CSMD1: variants seen among roughly 807,000 people sequenced by gnomAD.
CSMD1 encodes the protein CUB and sushi domain-containing protein 1.
In CSMD1, 213 loss-of-function variants were observed where a neutral mutation model predicts 417.5. The observed-to-expected ratio is 0.51, with a 90% CI of 0.46 to 0.57. The LOEUF is 0.57. Among genes scored for constraint, CSMD1 ranks in the 20% least tolerant of loss-of-function variants. The probability of loss-of-function intolerance (pLI) is 0.00; values close to 1 mark genes in which losing one functional copy is unlikely to be tolerated. For missense variants in CSMD1, 6,923 were observed against 4,529.7 expected (o/e 1.53, Z -15.17); for synonymous variants, 2,862 against 1,736.8 (o/e 1.65, Z -16.11).
At chr8:4,453,101 G>A (rs1172553905) in intron 2 of CSMD1, among the ~76,000 whole-genome samples, 2 of 152,056 alleles carry the variant, frequency 1.3e-5, no homozygotes, top group African/African-American at 2.4e-5. Context: ...TAGACAGGGA[G>A]CCAATGATTC....
At chr8:4,392,022 A>T (rs1033619581) in intron 3 of CSMD1, among the ~76,000 whole-genome samples, 5 of 150,386 alleles carry the variant, frequency 3.3e-5, no homozygotes, top group Non-Finnish European at 7.4e-5. Context: ...GTGAGTGGGT[A>T]AGTGAGTCCC....
intron 3 of CSMD1, among the ~76,000 whole-genome samples, chr8:4,283,990 T>G (rs1489652164): frequency 6.6e-6 from 1 of 152,130 alleles, no homozygotes; most frequent in Non-Finnish European, 1.5e-5. Flanking sequence ...CGTAGCACTT[T>G]GGGAGGCCGA....
At chr8:4,583,516 C>T (rs992956321) in intron 2 of CSMD1, among the ~76,000 whole-genome samples, 1 of 151,904 alleles carries the variant, frequency 6.6e-6, no homozygotes, top group Non-Finnish European at 1.5e-5. Flanking sequence ...ATACACCAAT[C>T]GACACTCTGT....
At position 3,295,693 on chromosome 8, in the gene CSMD1, T is replaced by G. The variant is rs182603463; in HGVS notation, c.3951-11347A>C. On this transcript the variant is annotated intron_variant, in intron 25 of 69. Coordinates refer to ENST00000635120, the MANE Select transcript of CSMD1 (RefSeq NM_033225.6). Reference sequence around the variant, plus strand: ...AACTGCTTTGGTCCAGGGTAATGTATGTATTGCCCTTGTTTTATTATATCT... The same window carrying G: ...AACTGCTTTGGTCCAGGGTAATGTAGGTATTGCCCTTGTTTTATTATATCT... Among the ~76,000 whole-genome samples, 186 of 152,314 alleles carry G rather than the reference T, an allele frequency of 1.2e-3. 1 individual carries two copies. Among genetic ancestry groups the G allele is most frequent in the African/African-American group, 4.3e-3 (179 of 41,576 alleles).
intron 62 of CSMD1, among the ~76,000 whole-genome samples, chr8:2,958,491 G>A (rs574255157): frequency 6.6e-6 from 1 of 152,316 alleles, no homozygotes; most frequent in Non-Finnish European, 1.5e-5. Flanking sequence ...ACCCATGTGT[G>A]TTCCTAATTT....
At chr8:4,063,733 G>T (rs966698569) in intron 3 of CSMD1, among the ~76,000 whole-genome samples, 17 of 152,104 alleles carry the variant, frequency 1.1e-4, no homozygotes, top group African/African-American at 3.6e-4. Flanking sequence ...CTTAGAAATG[G>T]GAAGTGCCTT....
chr8:4,572,810 TCTTTC>T (rs1328329588), intron 2 of CSMD1, among the ~76,000 whole-genome samples: 1 of 152,180 alleles, frequency 6.6e-6, no homozygotes, highest in Non-Finnish European at 1.5e-5. Context: ...GAAGCTCTAT[TCTTTC>T]CTTTCATTCT....
chr8:4,228,829 G>A (rs1454153180), intron 3 of CSMD1, among the ~76,000 whole-genome samples: 3 of 151,938 alleles, frequency 2.0e-5, no homozygotes, highest in Non-Finnish European at 2.9e-5. Flanking sequence ...GACTTCATGT[G>A]CACCACTGTG....
At chr8:3,725,304 T>C (rs942034526) in intron 6 of CSMD1, among the ~76,000 whole-genome samples, 4 of 152,098 alleles carry the variant, frequency 2.6e-5, no homozygotes, top group African/African-American at 7.2e-5. Flanking sequence ...CCTGGACAAG[T>C]GCTATTTCAG....
intron 25 of CSMD1, among the ~76,000 whole-genome samples, chr8:3,303,859 G>A (rs1484850781): frequency 2.0e-5 from 3 of 152,056 alleles, no homozygotes; most frequent in Admixed American, 2.0e-4. Flanking sequence ...TTTGGCTCAG[G>A]TAACTGCTCT....
At chr8:4,212,136 C>T (rs980650498) in intron 3 of CSMD1, among the ~76,000 whole-genome samples, 1 of 150,740 alleles carries the variant, frequency 6.6e-6, no homozygotes, top group South Asian at 2.1e-4. Context: ...GAAGAAGTGT[C>T]CTTTATTATG....
At chr8:3,292,749 G>T (rs1462868930) in intron 25 of CSMD1, among the ~76,000 whole-genome samples, 1 of 152,104 alleles carries the variant, frequency 6.6e-6, no homozygotes, top group Admixed American at 6.5e-5. Context: ...TTCCTGAATA[G>T]AGCACACTGA....
chr8:2,966,295 T>C (rs1458804104), intron 58 of CSMD1, among the ~76,000 whole-genome samples: 1 of 152,166 alleles, frequency 6.6e-6, no homozygotes. Flanking sequence ...GCAGACCCAG[T>C]GGTCTACAGA....
At chr8:4,319,409 G>A (rs564595968) in intron 3 of CSMD1, among the ~76,000 whole-genome samples, 1 of 152,006 alleles carries the variant, frequency 6.6e-6, no homozygotes, top group African/African-American at 2.4e-5. Flanking sequence ...ATCGATACGT[G>A]AGCCCTAACC....
chr8:3,713,974 C>A (rs934591852), intron 6 of CSMD1, among the ~76,000 whole-genome samples: 2 of 151,728 alleles, frequency 1.3e-5, no homozygotes, highest in Non-Finnish European at 2.9e-5. Context: ...CTATTGGTAG[C>A]AATAATATTG....
intron 5 of CSMD1, among the ~76,000 whole-genome samples, chr8:3,893,764 G>C (rs934296509): frequency 1.3e-5 from 2 of 152,068 alleles, no homozygotes; most frequent in African/African-American, 2.4e-5. Flanking sequence ...GCTCATTCAA[G>C]AAAGCTATCT....
Position 4,599,728 on chromosome 8 carries a change from G to C in CSMD1, c.302+37614C>G, listed in dbSNP as rs1045912481. On this transcript the variant is annotated intron_variant, in intron 2 of 69. Coordinates refer to ENST00000635120, the MANE Select transcript of CSMD1 (RefSeq NM_033225.6). Reference sequence around the variant, plus strand: ...AGCCAGTCATAGCAACCACTAACCAGCTTTCTTTAATTCCAAACAATGGTA... The same window carrying C: ...AGCCAGTCATAGCAACCACTAACCACCTTTCTTTAATTCCAAACAATGGTA... 3.3e-5 allele frequency among the ~76,000 whole-genome samples: 5 copies of C among 152,246 alleles called. No homozygotes were observed. The East Asian group carries it at 9.6e-4, about 29-fold the overall frequency.
chr8:3,307,862 C>T lies in CSMD1; in HGVS notation c.3824-41G>A, dbSNP rs370411034. The T allele has an allele frequency of 2.2e-5, 35 of 1,593,848 alleles. No individual in the cohort carries two copies. The African/African-American group carries it at 3.5e-4, about 16-fold the overall frequency. On this transcript the variant is annotated intron_variant, in intron 24 of 69. Transcript: ENST00000635120. The stretch of plus-strand genomic sequence containing the variant: ...AGAGATGGGAACGTTCAGCTTCAGG[C>T]ATCACATGTTTCTATTTAGCTACTT...
intron 5 of CSMD1, among the ~76,000 whole-genome samples, chr8:3,854,445 C>T (rs138700902): frequency 1.3e-5 from 2 of 152,004 alleles, no homozygotes; most frequent in African/African-American, 4.8e-5. Flanking sequence ...CCAAACAGTA[C>T]AACTTCAAAA....
Sources: allele counts gnomAD v4.1 joint callset (sites outside exome capture counted in the v4.1 genomes callset), GRCh38; gene constraint gnomAD v4.1.1; transcripts MANE v1.5; gene names NCBI Gene and HGNC (gene_info 2026-07-23, HGNC 2026-07-21).